Variants in UTRN observed in about 807,000 individuals in gnomAD.
The protein encoded by UTRN is dystrophin-related protein 1.
Under a neutral mutation model 463.9 loss-of-function variants are expected in UTRN, and 283 were observed. The observed-to-expected ratio is 0.61, with a 90% confidence interval of 0.55 to 0.67. UTRN has a LOEUF of 0.67. Among genes scored for constraint, UTRN ranks in the 30% least tolerant of loss-of-function variants. The pLI is 0.00. For synonymous variants in UTRN, 1,442 were observed against 1,431.5 expected, an observed-to-expected ratio of 1.01 and a Z score of -0.17; for missense variants, 3,922 against 4,084.3, an observed-to-expected ratio of 0.96 and a Z score of 1.08.
intron 2 of UTRN, among the ~76,000 whole-genome samples, chr6:144,364,027 G>A (rs1258826687): frequency 6.6e-6 from 1 of 152,212 alleles, no homozygotes; most frequent in Middle Eastern, 3.2e-3. Context: ...TACAAGGGTA[G>A]ATAGTATGGG....
chr6:144,373,648 A>G (rs543078811), intron 2 of UTRN, among the ~76,000 whole-genome samples: 1 of 152,334 alleles, frequency 6.6e-6, no homozygotes, highest in African/African-American at 2.4e-5. Context: ...TACATCCGTT[A>G]AATCCGGATG....
rs1476655306 is a variant in UTRN, at chr6:144,522,093, T to C, written c.5655T>C (p.Asp1885=). 3.8e-6 allele frequency: 6 copies of C among 1,586,756 alleles called. No homozygotes were observed. The highest frequency in any genetic ancestry group is 5.1e-6 in the Non-Finnish European group (6 of 1,168,318). Residue 1885 remains aspartate (D), a synonymous_variant, in exon 40 of 75, where the codon GAT becomes GAC. Coordinates refer to ENST00000367545, the MANE Select transcript of UTRN (RefSeq NM_007124.3). ...ACAAAATTTTACTTTGCATGGATGA[T>C]GTTGAATTATCGCTTAATGTTCCAG... ...EINKILLCMD[D]VELSLNVPEL...
rs1273682116 is a variant in UTRN at position 144,809,435 on chromosome 6, G to C, written c.9357+6288G>C. Reference sequence around the variant, plus strand: ...AATTCCAAGGTGTTAATGATACTGTGGTTGATTTGAGGTATCCTCATGCTG... The same window carrying C: ...AATTCCAAGGTGTTAATGATACTGTCGTTGATTTGAGGTATCCTCATGCTG... On this transcript the variant is annotated intron_variant, in intron 65 of 74. Transcript: ENST00000367545. Among the ~76,000 whole-genome samples the C allele has an allele frequency of 2.0e-5, 3 of 152,226 alleles. No homozygotes were observed. In the South Asian group the frequency reaches 6.2e-4, roughly 32 times the overall value.
intron 14 of UTRN, among the ~76,000 whole-genome samples, chr6:144,445,351 CA>C (rs11419379): frequency 3.9e-4 from 42 of 106,494 alleles, no homozygotes; most frequent in Admixed American, 7.1e-4. Context: ...GACTCCCTCT[CA>C]AAAAAAAAAA....
intron 2 of UTRN, among the ~76,000 whole-genome samples, chr6:144,352,199 C>CT (rs1357060594): frequency 4.5e-4 from 69 of 152,308 alleles, no homozygotes; most frequent in Non-Finnish European, 8.2e-4. Context: ...TGCCAATACT[C>CT]TGAGACCCAC....
chr6:144,382,921 C>T (rs191942874), intron 2 of UTRN, among the ~76,000 whole-genome samples: 3 of 152,204 alleles, frequency 2.0e-5, no homozygotes. Flanking sequence ...TAGGACATGT[C>T]AGGCTTATTT....
rs1268238461 is a variant in UTRN at position 144,461,219 on chromosome 6, T to A, written c.2730T>A (p.His910Gln). Residue 910 changes from histidine to glutamine, a missense_variant, in exon 22 of 75, where the codon CAT (histidine) becomes CAA (glutamine). Physicochemically the swap from His to Gln is conservative, Grantham distance 24. This residue lies in a region of UTRN where 2,349 missense variants were observed against 2,303.8 expected (regional missense o/e 1.02). Coordinates refer to ENST00000367545, the MANE Select transcript of UTRN (RefSeq NM_007124.3). ...CAGAACTGAAGGGCCAACCTGGACATGCATATCTGGAAACATTGAAAACAC... is the reference window on the plus strand; with the variant it reads ...CAGAACTGAAGGGCCAACCTGGACAAGCATATCTGGAAACATTGAAAACAC... ...LENELKGQPG[H>Q]AYLETLKTLK... The A allele has an allele frequency of 6.3e-7, 1 of 1,597,302 alleles. No individual in the cohort carries two copies. The highest frequency in any genetic ancestry group is 1.7e-5 in the Admixed American group (1 of 58,096).
chr6:144,700,963 G>A (rs1433826008), intron 53 of UTRN, among the ~76,000 whole-genome samples: 1 of 150,620 alleles, frequency 6.6e-6, no homozygotes, highest in Non-Finnish European at 1.5e-5. Flanking sequence ...CTGGAGTGCA[G>A]TGGCATGATC....
chr6:144,485,545 T>G, intron 28 of UTRN, 26 bp downstream of exon 28: 1 of 1,613,868 alleles, frequency 6.2e-7, no homozygotes, highest in Non-Finnish European at 8.5e-7. Flanking sequence ...CTCCACGGCA[T>G]TTCTCTTTGC....
rs1782078120 is a variant in UTRN, at chr6:144,680,319, G to A, written c.7652+1741G>A. The stretch of plus-strand genomic sequence containing the variant: ...GTCTTTCTTGGGAGTTATTGCCTAA[G>A]CCTATCATGACACATTTTTTTTTAA... On this transcript the variant is annotated intron_variant, in intron 52 of 74. Coordinates refer to ENST00000367545, the MANE Select transcript of UTRN (RefSeq NM_007124.3). Among the ~76,000 whole-genome samples the A allele has an allele frequency of 1.3e-5, 2 of 152,052 alleles. 1 individual carries two copies. The highest frequency in any genetic ancestry group is 4.1e-4 in the South Asian group (2 of 4,830).
In UTRN at chr6:144,533,232, G is replaced by T. The variant is rs1178883976; in HGVS notation, c.6205G>T (p.Val2069Phe). Residue 2069 changes from valine to phenylalanine, a missense_variant, in exon 43 of 75, where the codon GTT becomes TTT. Coordinates refer to ENST00000367545, the MANE Select transcript of UTRN (RefSeq NM_007124.3). The stretch of plus-strand genomic sequence containing the variant: ...TTTAAACCAACGCTGGGATGCAATT[G>T]TTGCAGAAGTGAAGGATAGGCAGCC... ...AGLNQRWDAIVAEVKDRQPRL... is the reference protein window; with the variant it reads ...AGLNQRWDAIFAEVKDRQPRL... 2 of 1,614,124 alleles carry T rather than the reference G, an allele frequency of 1.2e-6. No homozygotes were observed. The highest frequency in any genetic ancestry group is 1.7e-6 in the Non-Finnish European group (2 of 1,179,976).
At chr6:144,402,002 A>G (rs1388626364) in intron 2 of UTRN, among the ~76,000 whole-genome samples, 1 of 152,200 alleles carries the variant, frequency 6.6e-6, no homozygotes, top group Non-Finnish European at 1.5e-5. Context: ...CGCCTTGGAC[A>G]GCTTTCTGAA....
intron 73 of UTRN, among the ~76,000 whole-genome samples, chr6:144,842,110 C>CAAAAAAAAAAAAAAAAAAAAAA (rs35954430): frequency 3.2e-5 from 2 of 62,068 alleles, no homozygotes; most frequent in South Asian, 8.4e-4. Flanking sequence ...ACTTCCTCTC[C>CAAAAAAAAAAAAAAAAAAAAAA]AAAAAAAAAA....
intron 37 of UTRN, 101 bp from the exon 38 acceptor site, chr6:144,516,128 T>A: frequency 8.2e-7 from 1 of 1,213,318 alleles, no homozygotes. Context: ...GAAAAGTCAG[T>A]TAAAAAAGTG....
At chr6:144,724,215 T>G (rs918542323) in intron 53 of UTRN, among the ~76,000 whole-genome samples, 1 of 148,454 alleles carries the variant, frequency 6.7e-6, no homozygotes, top group African/African-American at 2.5e-5. Context: ...GCTATCTAGA[T>G]TCATAACTTT....
intron 50 of UTRN, among the ~76,000 whole-genome samples, chr6:144,575,932 C>G (rs959329294): frequency 1.3e-5 from 2 of 152,220 alleles, no homozygotes; most frequent in South Asian, 4.1e-4. Context: ...CCATGCAATC[C>G]TAGGCAACAC....
chr6:144,584,874 G>C (rs999809235), intron 51 of UTRN, among the ~76,000 whole-genome samples: 1 of 151,828 alleles, frequency 6.6e-6, no homozygotes, highest in Non-Finnish European at 1.5e-5. Context: ...AGTTTATTCT[G>C]GTAAAACATT....
At chr6:144,460,453 T>C (rs916808669) in intron 21 of UTRN, among the ~76,000 whole-genome samples, 3 of 152,256 alleles carry the variant, frequency 2.0e-5, no homozygotes, top group African/African-American at 7.2e-5. Context: ...AAATGTGTCG[T>C]ATTGCCTTTC....
chr6:144,458,383 G>T (rs1193134835), intron 19 of UTRN, among the ~76,000 whole-genome samples: 2 of 152,002 alleles, frequency 1.3e-5, no homozygotes, highest in African/African-American at 4.8e-5. Flanking sequence ...TTTTTTCTTA[G>T]GACAAAGGGT....
Sources: gnomAD v4.1 joint callset for allele counts (sites outside exome capture counted in the v4.1 genomes callset) on GRCh38, gnomAD v4.1.1 for gene constraint, gnomAD v4.1.1 regional missense constraint, MANE v1.5 for transcripts, NCBI Gene and HGNC (gene_info 2026-07-23, HGNC 2026-07-21) for gene names.